The following WWOX variants were observed in gnomAD, a reference collection of about 807,000 sequenced individuals.
WWOX encodes WW domain containing oxidoreductase.
Under a neutral mutation model 46.2 loss-of-function variants are expected in WWOX, and 69 were observed. The observed-to-expected ratio is 1.49, with a 90% CI of 1.23 to 1.82. WWOX has a LOEUF of 1.82. Ranked by LOEUF, WWOX falls within the 40% of genes most tolerant of loss-of-function variation. The probability of loss-of-function intolerance (pLI) is 0.00; values close to 1 mark genes in which losing one functional copy is unlikely to be tolerated. For synonymous variants in WWOX, 359 were observed against 202.6 expected (o/e 1.77, Z -6.56); for missense variants, 919 against 542.6 (o/e 1.69, Z -6.89).
intron 8 of WWOX, among the ~76,000 whole-genome samples, chr16:78,618,435 G>T (rs948948464): frequency 1.2e-4 from 19 of 152,142 alleles, no homozygotes; most frequent in African/African-American, 4.6e-4. Flanking sequence ...CATCTTCTCT[G>T]TCTTCACATG....
At chr16:79,039,970 G>C (rs1464936592) in intron 8 of WWOX, among the ~76,000 whole-genome samples, 2 of 152,146 alleles carry the variant, frequency 1.3e-5, no homozygotes, top group East Asian at 3.9e-4. Flanking sequence ...AAATGCATAC[G>C]ATCATGCTGG....
intron 8 of WWOX, among the ~76,000 whole-genome samples, chr16:78,710,237 G>A (rs1350302807): frequency 2.0e-5 from 3 of 151,516 alleles, no homozygotes; most frequent in African/African-American, 4.9e-5. Context: ...CCTGGGGACT[G>A]GTTTCCTGAA....
At chr16:78,854,437 T>C (rs1422533612) in intron 8 of WWOX, among the ~76,000 whole-genome samples, 1 of 152,242 alleles carries the variant, frequency 6.6e-6, no homozygotes, top group African/African-American at 2.4e-5. Flanking sequence ...AAGACTGTCC[T>C]TTAGTTAACA....
intron 8 of WWOX, among the ~76,000 whole-genome samples, chr16:79,109,656 A>T (rs1267224996): frequency 6.6e-6 from 1 of 152,168 alleles, no homozygotes; most frequent in Admixed American, 6.5e-5. Context: ...ACACTGGGGT[A>T]TTTCGCTCCA....
At chr16:78,899,882 T>A (rs919844329) in intron 8 of WWOX, among the ~76,000 whole-genome samples, 1 of 152,188 alleles carries the variant, frequency 6.6e-6, no homozygotes, top group Middle Eastern at 3.2e-3. Flanking sequence ...ATACAGCCCA[T>A]TAACACTTGT....
chr16:78,177,503 A>T (rs544606810), intron 5 of WWOX, among the ~76,000 whole-genome samples: 1 of 152,310 alleles, frequency 6.6e-6, no homozygotes, highest in South Asian at 2.1e-4. Flanking sequence ...GTGGACTGTG[A>T]ACAGCCCCCA....
At chr16:78,314,688 G>GGGT (rs1555517825) in intron 5 of WWOX, among the ~76,000 whole-genome samples, 1 of 90,512 alleles carries the variant, frequency 1.1e-5, no homozygotes, top group South Asian at 4.6e-4. Flanking sequence ...CCCTGCAGGG[G>GGGT]TTTTTTTTTT....
At position 78,392,975 on chromosome 16, in the gene WWOX, G is replaced by T. The variant is rs758683028; in HGVS notation, c.605+6027G>T. 1.1e-3 allele frequency among the ~76,000 whole-genome samples: 163 copies of T among 152,134 alleles called. 1 individual carries two copies. Among genetic ancestry groups the T allele is most frequent in the Admixed American group, 2.0e-3 (30 of 15,278 alleles). ...CTCCTCAGAGTTAGCGGTAGCAGCGGTCGTCGGCCAGTGTGTCTCGGGTCA... is the reference window on the plus strand; with the variant it reads ...CTCCTCAGAGTTAGCGGTAGCAGCGTTCGTCGGCCAGTGTGTCTCGGGTCA... On this transcript the variant is annotated intron_variant, in intron 6 of 8. Transcript: ENST00000566780.
At chr16:78,120,530 A>G (rs2033040802) in intron 4 of WWOX, among the ~76,000 whole-genome samples, 1 of 151,472 alleles carries the variant, frequency 6.6e-6, no homozygotes, top group African/African-American at 2.4e-5. Flanking sequence ...AGATTGCGCC[A>G]CTGCAGTCCG....
At chr16:78,676,164 C>T (rs531503491) in intron 8 of WWOX, among the ~76,000 whole-genome samples, 70 of 151,944 alleles carry the variant, frequency 4.6e-4, no homozygotes, top group Middle Eastern at 6.8e-3. Flanking sequence ...TCCTGAGCGC[C>T]GTGTCTTCTC....
intron 8 of WWOX, among the ~76,000 whole-genome samples, chr16:78,814,329 A>G (rs2051274832): frequency 6.6e-6 from 1 of 152,154 alleles, no homozygotes; most frequent in Non-Finnish European, 1.5e-5. Flanking sequence ...TTTTCCCTAA[A>G]AAACTGGAAA....
chr16:78,709,773 C>T (rs9924615), intron 8 of WWOX, among the ~76,000 whole-genome samples: 2,975 of 150,554 alleles, frequency 0.02, 97 homozygotes, highest in African/African-American at 0.069. Context: ...CTGTCACCCA[C>T]GCTGGAGTGC....
At chr16:79,111,864 C>G (rs1203138597) in intron 8 of WWOX, among the ~76,000 whole-genome samples, 3 of 152,204 alleles carry the variant, frequency 2.0e-5, no homozygotes, top group Non-Finnish European at 4.4e-5. Context: ...ATGTAACAGA[C>G]TCCATCCTGA....
chr16:78,303,326 T>C (rs2080075785), intron 5 of WWOX, among the ~76,000 whole-genome samples: 1 of 152,178 alleles, frequency 6.6e-6, no homozygotes, highest in African/African-American at 2.4e-5. Context: ...ATTGTGGTCT[T>C]TTTAATCCCA....
At chr16:79,185,822 TGA>T (rs555572672) in intron 8 of WWOX, among the ~76,000 whole-genome samples, 2 of 152,230 alleles carry the variant, frequency 1.3e-5, no homozygotes, top group African/African-American at 4.8e-5. Flanking sequence ...CTGCCTAGTG[TGA>T]GAAGGGACTC....
rs1171381546 is a variant in WWOX at position 78,345,567 on chromosome 16, G to A, written c.517-41293G>A. On this transcript the variant is annotated intron_variant, in intron 5 of 8. Coordinates refer to ENST00000566780, the MANE Select transcript of WWOX (RefSeq NM_016373.4). Reference sequence around the variant, plus strand: ...GCTGAGGTGGGAAGTTTGAACCTGGGAAGTCAAGGCTACAGTGAGCTGTGA... The same window carrying A: ...GCTGAGGTGGGAAGTTTGAACCTGGAAAGTCAAGGCTACAGTGAGCTGTGA... Among the ~76,000 whole-genome samples, 14 of 89,750 alleles carry A rather than the reference G, an allele frequency of 1.6e-4. 3 individuals carry two copies. Among genetic ancestry groups the A allele is most frequent in the Admixed American group, 1.6e-3 (13 of 8,364 alleles). The allele number at this position is 89,750 out of a possible 152,430, so 58.9% of individuals were successfully genotyped here.
rs548396607 is a variant in WWOX at position 78,620,920 on chromosome 16, C to A, written c.1056+188168C>A. 7.7e-4 allele frequency among the ~76,000 whole-genome samples: 117 copies of A among 152,248 alleles called. 1 individual carries two copies. Among genetic ancestry groups the A allele is most frequent in the African/African-American group, 2.7e-3 (112 of 41,562 alleles). Reference sequence around the variant, plus strand: ...GTTGGAATTTTATTTTTGAGCAATTCACTTACCCAGATTGTGTTTCTGGAG... The same window carrying A: ...GTTGGAATTTTATTTTTGAGCAATTAACTTACCCAGATTGTGTTTCTGGAG... On this transcript the variant is annotated intron_variant, in intron 8 of 8. Transcript: ENST00000566780.
intron 8 of WWOX, among the ~76,000 whole-genome samples, chr16:78,916,830 G>T (rs1297461484): frequency 3.3e-5 from 5 of 152,192 alleles, no homozygotes; most frequent in Admixed American, 1.3e-4. Flanking sequence ...GAAGTTGCCA[G>T]TGTTAAACCC....
intron 4 of WWOX, among the ~76,000 whole-genome samples, chr16:78,121,387 A>T (rs1272405961): frequency 1.3e-5 from 2 of 152,240 alleles, no homozygotes; most frequent in African/African-American, 4.8e-5. Flanking sequence ...TCCTTAAATG[A>T]CATTATATAA....
Sources: allele counts gnomAD v4.1 joint callset (sites outside exome capture counted in the v4.1 genomes callset), GRCh38; gene constraint gnomAD v4.1.1; transcripts MANE v1.5; gene names NCBI Gene and HGNC (gene_info 2026-07-23, HGNC 2026-07-21).